Variants in CDH12 observed in about 807,000 individuals in gnomAD.
CDH12 encodes the protein cadherin-12.
Under a neutral mutation model 74.1 loss-of-function variants are expected in CDH12, and 41 were observed. The observed-to-expected ratio is 0.55, with a 90% CI of 0.43 to 0.72. The LOEUF (loss-of-function observed/expected upper bound fraction) is 0.72, where lower values mean the gene tolerates loss of function less well. CDH12 is among the 30% of genes least tolerant of loss of function. The probability of loss-of-function intolerance (pLI) is 0.00; values close to 1 mark genes in which losing one functional copy is unlikely to be tolerated. For missense variants in CDH12, 945 were observed against 977.2 expected (o/e 0.97, Z 0.44); for synonymous variants, 399 against 355.0 (o/e 1.12, Z -1.39).
intron 1 of CDH12, among the ~76,000 whole-genome samples, chr5:22,744,428 C>CAA (rs11398488): frequency 2.4e-4 from 35 of 146,120 alleles, no homozygotes; most frequent in African/African-American, 5.8e-4. Flanking sequence ...GACTCCGTCT[C>CAA]AAAAAAAAAC....
intron 1 of CDH12, among the ~76,000 whole-genome samples, chr5:22,631,126 C>T (rs541130505): frequency 5.1e-4 from 78 of 152,146 alleles, no homozygotes; most frequent in African/African-American, 1.8e-3. Flanking sequence ...ACTAAAAAGT[C>T]AAAAAATAAC....
chr5:22,289,746 G>A (rs1028186271), intron 3 of CDH12, among the ~76,000 whole-genome samples: 5 of 152,032 alleles, frequency 3.3e-5, no homozygotes, highest in African/African-American at 4.8e-5. Flanking sequence ...AGAGAGAAAC[G>A]GTCTTCTTGG....
intron 2 of CDH12, among the ~76,000 whole-genome samples, chr5:22,408,396 A>G (rs897199401): frequency 4.0e-5 from 6 of 151,834 alleles, no homozygotes. Context: ...AGTTGAACCA[A>G]CGTAAGTCAC....
intron 13 of CDH12, among the ~76,000 whole-genome samples, chr5:21,756,634 T>G (rs1744412864): frequency 6.6e-6 from 1 of 152,186 alleles, no homozygotes; most frequent in Admixed American, 6.6e-5. Flanking sequence ...AAGCAGAAAT[T>G]TTGTTTTATG....
At position 22,095,688 on chromosome 5, in the gene CDH12, T is replaced by C. The variant is rs1403350241; in HGVS notation, c.-186-16826A>G. ...CCCCAACCCCTTCTCTCCGTGTCTCTACCCCTTCTCTGCTTTTCTGGGGGC... is the reference window on the plus strand; with the variant it reads ...CCCCAACCCCTTCTCTCCGTGTCTCCACCCCTTCTCTGCTTTTCTGGGGGC... On this transcript the variant is annotated intron_variant, in intron 4 of 14. Transcript: ENST00000382254. Among the ~76,000 whole-genome samples, 37 of 151,322 alleles carry C rather than the reference T, an allele frequency of 2.4e-4. 1 individual carries two copies. Among genetic ancestry groups the C allele is most frequent in the Non-Finnish European group, 2.9e-5 (2 of 67,882 alleles).
At chr5:22,193,017 T>C (rs2150348093) in intron 4 of CDH12, among the ~76,000 whole-genome samples, 1 of 152,136 alleles carries the variant, frequency 6.6e-6, no homozygotes, top group Non-Finnish European at 1.5e-5. Flanking sequence ...GATACTGGAA[T>C]GGAGTGTGGA....
chr5:22,815,461 G>A (rs1749340794), intron 1 of CDH12, among the ~76,000 whole-genome samples: 1 of 151,996 alleles, frequency 6.6e-6, no homozygotes, highest in Non-Finnish European at 1.5e-5. Context: ...AGTGGAAATG[G>A]AGAGATCTAT....
chr5:22,310,782 C>T (rs1009523499), intron 3 of CDH12, among the ~76,000 whole-genome samples: 4 of 152,176 alleles, frequency 2.6e-5, no homozygotes, highest in Non-Finnish European at 4.4e-5. Context: ...CTTTTATCAT[C>T]ATGGATGTTC....
intron 1 of CDH12, among the ~76,000 whole-genome samples, chr5:22,534,917 A>C (rs972993765): frequency 6.7e-6 from 1 of 148,886 alleles, no homozygotes; most frequent in African/African-American, 2.4e-5. Flanking sequence ...ATTATATTTA[A>C]TATATTTTAT....
intron 1 of CDH12, among the ~76,000 whole-genome samples, chr5:22,775,591 G>A (rs1019276524): frequency 6.6e-6 from 1 of 151,972 alleles, no homozygotes; most frequent in African/African-American, 2.4e-5. Flanking sequence ...TAACATTGGG[G>A]TAAATGTTAT....
intron 3 of CDH12, among the ~76,000 whole-genome samples, chr5:22,226,372 T>C (rs1363692805): frequency 1.3e-5 from 2 of 151,932 alleles, no homozygotes; most frequent in African/African-American, 2.4e-5. Flanking sequence ...TTTCTCTAGT[T>C]GGGGGCAGAT....
intron 1 of CDH12, among the ~76,000 whole-genome samples, chr5:22,538,993 T>C (rs1169115539): frequency 4.6e-5 from 7 of 152,198 alleles, no homozygotes; most frequent in Admixed American, 4.6e-4. Context: ...ACTCCTGGGC[T>C]CAAGTGATCC....
chr5:21,996,982 A>T (rs1736337781), intron 5 of CDH12, among the ~76,000 whole-genome samples: 1 of 152,142 alleles, frequency 6.6e-6, no homozygotes. Context: ...AAATCAAAAG[A>T]AATGGGATTA....
intron 2 of CDH12, among the ~76,000 whole-genome samples, chr5:22,446,722 C>T (rs1744828583): frequency 6.6e-6 from 1 of 152,074 alleles, no homozygotes. Flanking sequence ...TTTATTTCTT[C>T]AGATTATATA....
At chr5:22,402,599 T>C (rs1580610880) in intron 3 of CDH12, among the ~76,000 whole-genome samples, 1 of 152,348 alleles carries the variant, frequency 6.6e-6, no homozygotes. Context: ...AGAGATAAAC[T>C]GAAGATGAAA....
intron 6 of CDH12, among the ~76,000 whole-genome samples, chr5:21,920,552 A>G (rs1334521474): frequency 1.3e-5 from 2 of 152,078 alleles, no homozygotes; most frequent in Non-Finnish European, 2.9e-5. Flanking sequence ...GGGGAGGGAA[A>G]GCATTAGGAT....
intron 1 of CDH12, among the ~76,000 whole-genome samples, chr5:22,782,173 TGG>T (rs1341265425): frequency 1.3e-5 from 2 of 152,126 alleles, no homozygotes; most frequent in Admixed American, 1.3e-4. Flanking sequence ...GTTAAGACCT[TGG>T]GGGACTGTTG....
At chr5:22,073,655 C>T (rs1434885991) in intron 5 of CDH12, among the ~76,000 whole-genome samples, 1 of 152,034 alleles carries the variant, frequency 6.6e-6, no homozygotes, top group Non-Finnish European at 1.5e-5. Context: ...AAAGCTTTAC[C>T]TCTGTATACC....
intron 3 of CDH12, among the ~76,000 whole-genome samples, chr5:22,233,553 T>C (rs892382951): frequency 4.6e-5 from 7 of 152,144 alleles, no homozygotes; most frequent in African/African-American, 1.7e-4. Context: ...TTACTGCTTC[T>C]TTACTGTTTG....
Sources: allele counts gnomAD v4.1 joint callset (sites outside exome capture counted in the v4.1 genomes callset), GRCh38; gene constraint gnomAD v4.1.1; transcripts MANE v1.5; gene names NCBI Gene and HGNC (gene_info 2026-07-23, HGNC 2026-07-21).